The following NEB variants were observed in gnomAD, a reference collection of about 807,000 sequenced individuals.
The protein encoded by NEB is nemaline myopathy type 2.
A neutral mutation model predicts 952.2 loss-of-function variants in NEB; 512 were observed. The observed-to-expected ratio is 0.54, with a 90% CI of 0.50 to 0.58. The LOEUF is 0.58. Among genes scored for constraint, NEB ranks in the 20% least tolerant of loss-of-function variants. NEB has a pLI of 0.00. For synonymous variants in NEB, 2,900 were observed against 3,149.8 expected (o/e 0.92, Z 2.66); for missense variants, 8,428 against 9,231.1 (o/e 0.91, Z 3.56).
At chr2:151,706,096 C>T (rs913370071) in intron 13 of NEB, among the ~76,000 whole-genome samples, 17 of 152,148 alleles carry the variant, frequency 1.1e-4, no homozygotes, top group African/African-American at 3.9e-4. Context: ...AGAAAGCAAA[C>T]GTGCTTTACA....
intron 130 of NEB, among the ~76,000 whole-genome samples, 157 bp downstream of exon 130, chr2:151,549,479 C>G (rs73967562): frequency 6.6e-6 from 1 of 152,154 alleles, no homozygotes; most frequent in Non-Finnish European, 1.5e-5. Flanking sequence ...TTGCACAGCA[C>G]CCCTCAAAAA....
At chr2:151,503,623 T>G (rs77080541) in intron 165 of NEB, among the ~76,000 whole-genome samples, 182 bp from the exon 166 acceptor site, 1 of 20,624 alleles carries the variant, frequency 4.8e-5, no homozygotes, top group Admixed American at 7.8e-4. Context: ...ATAGTAAAAA[T>G]TTTTACTACT....
chr2:151,525,072 A>T, intron 151 of NEB, 91 bp downstream of exon 151: 1 of 956,122 alleles, frequency 1.0e-6, no homozygotes, highest in Non-Finnish European at 1.7e-6. Flanking sequence ...CAGAGGAATT[A>T]GAGTGACCAC....
intron 78 of NEB, among the ~76,000 whole-genome samples, chr2:151,611,782 A>G (rs1243627515): frequency 6.6e-6 from 1 of 152,238 alleles, no homozygotes; most frequent in Non-Finnish European, 1.5e-5. Flanking sequence ...CAGCATTGCT[A>G]TGAAACACTA....
At position 151,691,971 on chromosome 2, in the gene NEB, A is replaced by G. The variant is rs2099554465; in HGVS notation, c.2107-3T>C. ...TCATATTCTGCTTTGTAACTTTTCTATAATGAGAAAAACCAAAAATAGATC... is the reference window on the plus strand; with the variant it reads ...TCATATTCTGCTTTGTAACTTTTCTGTAATGAGAAAAACCAAAAATAGATC... On this transcript the variant is annotated splice_polypyrimidine_tract_variant and splice_region_variant and intron_variant, in intron 22 of 181. Coordinates refer to ENST00000397345, the MANE Select transcript of NEB (RefSeq NM_001164508.2). 6 of 1,610,942 alleles carry G rather than the reference A, an allele frequency of 3.7e-6. No individual in the cohort carries two copies. The highest frequency in any genetic ancestry group is 5.1e-6 in the Non-Finnish European group (6 of 1,177,722).
Position 151,553,832 on chromosome 2 carries a change from C to G in NEB, c.19622G>C (p.Ser6541Thr). 3.1e-6 allele frequency: 5 copies of G among 1,609,836 alleles called. No individual in the cohort carries two copies. The highest frequency in any genetic ancestry group is 4.2e-6 in the Non-Finnish European group (5 of 1,177,480). Residue 6541 changes from serine (S) to threonine (T), a missense_variant, in exon 126 of 182, where the codon AGC (serine) becomes ACC (threonine). Physicochemically the swap from Ser to Thr is moderately conservative, Grantham distance 58. This residue lies in a region of NEB where 3,374 missense variants were observed against 3,651.5 expected (regional missense o/e 0.92). Transcript: ENST00000397345. ...CTTCTTAAGTCACAGGCTTACATCGCTGATCTGATCTGTGACTTTCCTGAC... is the reference window on the plus strand; with the variant it reads ...CTTCTTAAGTCACAGGCTTACATCGGTGATCTGATCTGTGACTTTCCTGAC... ...DHVRKVTDQI[S>T]DIVYKDDLNW...
At position 151,547,473 on chromosome 2, in the gene NEB, G is replaced by A. The variant is rs966751537; in HGVS notation, c.20323C>T (p.Pro6775Ser). The A allele has an allele frequency of 2.5e-6, 4 of 1,607,612 alleles. No individual in the cohort carries two copies. In the Admixed American group the frequency reaches 6.8e-5, roughly 27 times the overall value. The part of the protein sequence containing the change: ...QGHMISLPYT[P>S]QVIHCRYVGD... ...ACATAGCGGCAATGGATCACTTGGG[G>A]TGTGTATGGCAGAGAGATCATGTGG... The change falls in exon 133 of 182, where the codon CCC becomes TCC. Residue 6775 changes from proline to serine, a missense_variant. By Grantham distance (74) the Pro-to-Ser change is moderately conservative. Transcript: ENST00000397345.
At position 151,671,138 on chromosome 2, in the gene NEB, C is replaced by T. The variant is rs964965750; in HGVS notation, c.4391G>A (p.Gly1464Asp). ...ATACTTCCTCTCATTTAATGCATCG[C>T]CTGCTTTCTTGACCTTCTCCACCTC... ...SLEVEKVKKAGDALNERKYRQ... is the reference protein window; with the variant it reads ...SLEVEKVKKADDALNERKYRQ... Residue 1464 changes from glycine to aspartate, a missense_variant, in exon 38 of 182, where the codon GGC becomes GAC. Gly to Asp is a moderately conservative substitution (Grantham distance 94, BLOSUM62 -1). This residue lies in a region of NEB where 2,851 missense variants were observed against 2,791.5 expected (regional missense o/e 1.02). Coordinates refer to ENST00000397345, the MANE Select transcript of NEB (RefSeq NM_001164508.2). The T allele has an allele frequency of 1.9e-6, 3 of 1,613,968 alleles. No individual in the cohort carries two copies. Among genetic ancestry groups the T allele is most frequent in the African/African-American group, 1.3e-5 (1 of 75,052 alleles).
chr2:151,572,538 GTA>G (rs771548121), intron 107 of NEB, among the ~76,000 whole-genome samples: 2 of 139,952 alleles, frequency 1.4e-5, no homozygotes, highest in South Asian at 2.2e-4. Context: ...ATATATAAAA[GTA>G]TATATATATA....
intron 71 of NEB, among the ~76,000 whole-genome samples, chr2:151,622,001 G>A (rs1355954435): frequency 1.3e-5 from 2 of 151,980 alleles, no homozygotes; most frequent in Non-Finnish European, 2.9e-5. Flanking sequence ...GTTTTGTGGG[G>A]TCTTTTTTAT....
At chr2:151,621,056 T>G (rs193300993) in intron 71 of NEB, 30 bp from the exon 72 acceptor site, 1 of 1,530,694 alleles carries the variant, frequency 6.5e-7, no homozygotes, top group Non-Finnish European at 8.9e-7. Context: ...CTTTTAAATA[T>G]AGAATTCACA....
At chr2:151,694,711 CCTTAT>C (rs2099583247) in intron 18 of NEB, 82 bp from the exon 19 acceptor site, 1 of 1,010,700 alleles carries the variant, frequency 9.9e-7, no homozygotes, top group South Asian at 1.4e-5. Flanking sequence ...TAACTAAATA[CCTTAT>C]CTTAATATAA....
At chr2:151,497,377 G>C (rs556557712) in intron 171 of NEB, 46 of 980,758 alleles carry the variant, frequency 4.7e-5, no homozygotes, top group Middle Eastern at 1.0e-3. Flanking sequence ...CACACAAACT[G>C]AAAAACTCAT....
chr2:151,706,819 G>C, intron 13 of NEB, 62 bp downstream of exon 13: 1 of 1,191,190 alleles, frequency 8.4e-7, no homozygotes, highest in East Asian at 2.5e-5. Context: ...GTCATTAAAG[G>C]AGAAAATTTT....
rs1464359123 is a variant in NEB, at chr2:151,493,858, T to C, written c.24589A>G (p.Lys8197Glu). ...NQENISSVLY[K>E]ENLGKATPTP... Reference sequence around the variant, plus strand: ...GGGGTTGCTTTCCCCAGGTTCTCTTTGTATAACACCTGTGAGATACAAAGT... The same window carrying C: ...GGGGTTGCTTTCCCCAGGTTCTCTTCGTATAACACCTGTGAGATACAAAGT... Residue 8197 changes from lysine (K) to glutamate (E), a missense_variant, in exon 175 of 182, where the codon AAA (lysine) becomes GAA (glutamate). Transcript: ENST00000397345. The C allele has an allele frequency of 6.4e-6, 10 of 1,560,988 alleles. No individual in the cohort carries two copies. The highest frequency in any genetic ancestry group is 2.3e-5 in the East Asian group (1 of 43,638).
At chr2:151,689,712 T>C (rs1325540454) in intron 24 of NEB, 4 of 152,204 alleles carry the variant, frequency 2.6e-5, no homozygotes, top group African/African-American at 9.7e-5. Context: ...GAGTGATTGA[T>C]AGTGACTGTG....
chr2:151,630,068 A>G (rs944627660), intron 67 of NEB, among the ~76,000 whole-genome samples: 4 of 152,256 alleles, frequency 2.6e-5, no homozygotes, highest in South Asian at 4.1e-4. Flanking sequence ...ATTCATTTTT[A>G]TTACCTACAA....
intron 61 of NEB, 25 bp downstream of exon 61, chr2:151,640,330 C>A (rs766565869): frequency 2.5e-6 from 4 of 1,606,910 alleles, no homozygotes; most frequent in South Asian, 1.1e-5. Flanking sequence ...CACCTCTGCA[C>A]GTTATTATGA....
intron 85 of NEB, among the ~76,000 whole-genome samples, chr2:151,604,180 G>A (rs1465729030): frequency 2.1e-4 from 25 of 118,990 alleles, no homozygotes; most frequent in South Asian, 2.9e-4. Context: ...TACCTGTATC[G>A]ATATCCACCC....
Sources: allele counts gnomAD v4.1 joint callset (sites outside exome capture counted in the v4.1 genomes callset), GRCh38; gene constraint gnomAD v4.1.1; regional missense constraint gnomAD v4.1.1; transcripts MANE v1.5; gene names NCBI Gene and HGNC (gene_info 2026-07-23, HGNC 2026-07-21).